The following PBX1 variants were observed in gnomAD, a reference collection of about 807,000 sequenced individuals.
The protein encoded by PBX1 is pre-B-cell leukemia transcription factor 1.
In PBX1, 6 loss-of-function variants were observed where a neutral mutation model predicts 53.4. The observed-to-expected ratio is 0.11, with a 90% CI of 0.06 to 0.22. The LOEUF is 0.22. Among genes scored for constraint, PBX1 ranks in the 10% least tolerant of loss-of-function variants. The probability of loss-of-function intolerance (pLI) is 1.00; values close to 1 mark genes in which losing one functional copy is unlikely to be tolerated. For synonymous variants in PBX1, 204 were observed against 212.3 expected, an observed-to-expected ratio of 0.96 and a Z score of 0.34; for missense variants, 251 against 551.4, an observed-to-expected ratio of 0.46 and a Z score of 5.46.
intron 2 of PBX1, among the ~76,000 whole-genome samples, chr1:164,859,273 A>C (rs1415718150): frequency 6.6e-5 from 10 of 152,180 alleles, no homozygotes. Context: ...CTCCAGGTAC[A>C]TCTATGGGGA....
At chr1:164,737,149 A>G (rs564683852) in intron 2 of PBX1, among the ~76,000 whole-genome samples, 8 of 152,278 alleles carry the variant, frequency 5.3e-5, no homozygotes, top group Middle Eastern at 3.4e-3. Flanking sequence ...TCAGCACCTG[A>G]TGGCGGAACT....
chr1:164,878,321 A>G (rs1379403888), intron 2 of PBX1, among the ~76,000 whole-genome samples: 2 of 152,214 alleles, frequency 1.3e-5, no homozygotes, highest in Admixed American at 6.5e-5. Flanking sequence ...TTGATTTTGC[A>G]ATTAAAATAA....
chr1:164,570,310 C>T (rs1231069217), intron 2 of PBX1, among the ~76,000 whole-genome samples: 1 of 152,116 alleles, frequency 6.6e-6, no homozygotes, highest in Non-Finnish European at 1.5e-5. Flanking sequence ...CTCTACCCAT[C>T]AACCCGTCAT....
chr1:164,648,811 G>A (rs1557914728), intron 2 of PBX1, among the ~76,000 whole-genome samples: 2 of 152,182 alleles, frequency 1.3e-5, no homozygotes, highest in South Asian at 4.1e-4. Flanking sequence ...ATTGAGCAAG[G>A]CAGTGTAATG....
chr1:164,732,969 A>T (rs139150384), intron 2 of PBX1, among the ~76,000 whole-genome samples: 6 of 152,260 alleles, frequency 3.9e-5, no homozygotes, highest in African/African-American at 1.4e-4. Context: ...CAGTGTCACC[A>T]GGACTCCACA....
In PBX1 at chr1:164,799,457, C is replaced by G. The variant is rs528299637; in HGVS notation, c.511-242C>G. ...AGTGAGCCGATATCGTGCCACTGCA[C>G]TCCAGCCTGGGCGACCGAGCGAGAC... is the stretch of plus-strand genomic sequence containing the variant. On this transcript the variant is annotated intron_variant, in intron 3 of 8. Coordinates refer to ENST00000420696, the MANE Select transcript of PBX1 (RefSeq NM_002585.4). 1.5e-4 allele frequency among the ~76,000 whole-genome samples: 23 copies of G among 152,252 alleles called. No individual in the cohort carries two copies. The East Asian group carries it at 2.1e-3, about 14-fold the overall frequency.
chr1:164,744,531 C>G (rs779336415), intron 2 of PBX1, among the ~76,000 whole-genome samples: 1 of 152,204 alleles, frequency 6.6e-6, no homozygotes. Context: ...ATTAGATCCT[C>G]TCAGAACTCT....
At chr1:164,599,852 C>G (rs1170206719) in intron 2 of PBX1, among the ~76,000 whole-genome samples, 1 of 152,190 alleles carries the variant, frequency 6.6e-6, no homozygotes, top group East Asian at 1.9e-4. Flanking sequence ...AACCCCCTCT[C>G]CCCGCTTTTT....
chr1:164,576,593 C>G (rs937907261), intron 2 of PBX1, among the ~76,000 whole-genome samples: 7 of 152,234 alleles, frequency 4.6e-5, no homozygotes, highest in Non-Finnish European at 1.0e-4. Context: ...TTCATCATTT[C>G]CCTTGCCTGG....
chr1:164,823,112 A>AAGTTAACC (rs1387048539), intron 8 of PBX1, among the ~76,000 whole-genome samples: 1 of 152,204 alleles, frequency 6.6e-6, no homozygotes, highest in African/African-American at 2.4e-5. Context: ...AGAGAAGTCA[A>AAGTTAACC]AGTTAACCCT....
intron 2 of PBX1, among the ~76,000 whole-genome samples, chr1:164,781,948 C>T (rs1667953727): frequency 6.6e-6 from 1 of 151,968 alleles, no homozygotes. Flanking sequence ...AACACTCTGC[C>T]TTCTAGATTT....
At chr1:164,658,507 A>G (rs1464498183) in intron 2 of PBX1, among the ~76,000 whole-genome samples, 1 of 152,216 alleles carries the variant, frequency 6.6e-6, no homozygotes, top group Non-Finnish European at 1.5e-5. Context: ...CAGCATCAAA[A>G]GCTGTGGCAC....
chr1:164,747,385 A>G (rs1467831174), intron 2 of PBX1, among the ~76,000 whole-genome samples: 5 of 152,066 alleles, frequency 3.3e-5, no homozygotes, highest in African/African-American at 7.2e-5. Context: ...CATATTTCAA[A>G]GTACAAAAAG....
intron 6 of PBX1, chr1:164,813,226 T>C (rs1379790042): frequency 6.6e-6 from 1 of 152,214 alleles, no homozygotes; most frequent in African/African-American, 2.4e-5. Context: ...AAATTTGTTA[T>C]GATAAGGTCC....
At chr1:164,663,176 GCCTT>G (rs1165717535) in intron 2 of PBX1, among the ~76,000 whole-genome samples, 1 of 150,782 alleles carries the variant, frequency 6.6e-6, no homozygotes, top group East Asian at 2.0e-4. Context: ...CTTCCTTCCT[GCCTT>G]CCTTCCTGTC....
At chr1:164,731,092 C>T (rs574856093) in intron 2 of PBX1, among the ~76,000 whole-genome samples, 59 of 152,072 alleles carry the variant, frequency 3.9e-4, no homozygotes, top group Non-Finnish European at 6.8e-4. Flanking sequence ...TGGGCGCACG[C>T]GCATGCATGC....
chr1:164,642,482 T>C (rs1293174649), intron 2 of PBX1, among the ~76,000 whole-genome samples: 2 of 152,180 alleles, frequency 1.3e-5, no homozygotes, highest in African/African-American at 4.8e-5. Flanking sequence ...TAGGAGACCA[T>C]ATCCTTCAGG....
rs149858818 is a variant in PBX1, at chr1:164,602,632, C to G, written c.265+39321C>G. On this transcript the variant is annotated intron_variant, in intron 2 of 8. Coordinates refer to ENST00000420696, the MANE Select transcript of PBX1 (RefSeq NM_002585.4). ...CTGCACCCCAATTCTGTCAACCTCC[C>G]CACAGCTCTTGACTGGCTGTTTATC... Among the ~76,000 whole-genome samples, 1,156 of 151,790 alleles carry G rather than the reference C, an allele frequency of 7.6e-3. 16 individuals carry two copies. Among genetic ancestry groups the G allele is most frequent in the African/African-American group, 0.027 (1,104 of 41,290 alleles).
rs375925928 is a variant in PBX1 at position 164,559,831 on chromosome 1, G to C, written c.9G>C (p.Glu3Asp). The change falls in exon 1 of 9, where the codon GAG becomes GAC. Residue 3 changes from glutamate (E) to aspartate (D), a missense_variant. Coordinates refer to ENST00000420696, the MANE Select transcript of PBX1 (RefSeq NM_002585.4). MD[E>D]QPRLMHSHAG... ...TGCCGTAGCCTTTGGAGATGGACGAGCAGCCCAGGCTGATGCATTCCCATG... is the reference window on the plus strand; with the variant it reads ...TGCCGTAGCCTTTGGAGATGGACGACCAGCCCAGGCTGATGCATTCCCATG... 2.4e-5 allele frequency: 37 copies of C among 1,545,902 alleles called. No homozygotes were observed. The highest frequency in any genetic ancestry group is 2.1e-4 in the Middle Eastern group (1 of 4,822).
Sources: allele counts gnomAD v4.1 joint callset (sites outside exome capture counted in the v4.1 genomes callset), GRCh38; gene constraint gnomAD v4.1.1; transcripts MANE v1.5; gene names NCBI Gene and HGNC (gene_info 2026-07-23, HGNC 2026-07-21).